Variants in AHCY observed in about 807,000 individuals in gnomAD.
AHCY encodes S-adenosyl-L-homocysteine hydrolase.
AHCY carries 24 observed loss-of-function variants against 45.4 expected under a neutral mutation model. That is an observed-to-expected ratio of 0.53 (90% CI 0.38 to 0.74). The LOEUF (loss-of-function observed/expected upper bound fraction) is 0.74. AHCY is among the 30% of genes least tolerant of loss of function. The probability of loss-of-function intolerance (pLI) is 0.00; values close to 1 mark genes in which losing one functional copy is unlikely to be tolerated. For synonymous variants in AHCY, 245 were observed against 235.1 expected (o/e 1.04, Z -0.39); for missense variants, 449 against 594.1 (o/e 0.76, Z 2.54).
chr20:34,302,542 G>A (rs2036813351), intron 1 of AHCY: 15 of 889,154 alleles, frequency 1.7e-5, no homozygotes, highest in Non-Finnish European at 1.9e-5. Flanking sequence ...AGAGCCATGA[G>A]ACTAGAATAA....
the AHCY span, among the ~76,000 whole-genome samples, chr20:34,248,415 T>C: frequency 1.3e-5 from 2 of 152,160 alleles, no homozygotes; most frequent in South Asian, 2.1e-4. Context: ...TCATTTTCAG[T>C]CAAAAACATT....
chr20:34,256,834 GC>G, the AHCY span, among the ~76,000 whole-genome samples: 2 of 152,028 alleles, frequency 1.3e-5, no homozygotes, highest in Non-Finnish European at 2.9e-5. Flanking sequence ...GGGTAACAGT[GC>G]AGTGGTACAA....
chr20:34,245,490 C>T, the AHCY span, among the ~76,000 whole-genome samples: 3 of 151,502 alleles, frequency 2.0e-5, no homozygotes, highest in South Asian at 2.1e-4. Context: ...CAGGTTCCAG[C>T]GATTCTCAGG....
chr20:34,258,771 T>TACG, the AHCY span, among the ~76,000 whole-genome samples: 1 of 88,444 alleles, frequency 1.1e-5, no homozygotes, highest in African/African-American at 6.1e-5. Context: ...ATATATATAA[T>TACG]ATATATAGTA....
chr20:34,285,976 G>A, intron 8 of AHCY: 1 of 333,720 alleles, frequency 3.0e-6, no homozygotes, highest in South Asian at 2.5e-5. Flanking sequence ...GTGGTAGCAG[G>A]CGCCTGTGGT....
At chr20:34,256,194 G>A in the AHCY span, among the ~76,000 whole-genome samples, 1 of 152,188 alleles carries the variant, frequency 6.6e-6, no homozygotes, top group Non-Finnish European at 1.5e-5. Context: ...CTCCTGTCTG[G>A]TGGACACGTG....
the AHCY span, among the ~76,000 whole-genome samples, chr20:34,232,978 G>A: frequency 6.6e-6 from 1 of 152,118 alleles, no homozygotes; most frequent in African/African-American, 2.4e-5. Flanking sequence ...ACTTCCTGGA[G>A]TTTAACGTGT....
At chr20:34,273,555 G>A in the AHCY span, among the ~76,000 whole-genome samples, 1,137 of 152,254 alleles carry the variant, frequency 7.5e-3, 28 homozygotes, top group East Asian at 0.073. Context: ...AGCAACCACA[G>A]ATCTAACATC....
the AHCY span, among the ~76,000 whole-genome samples, chr20:34,242,170 AT>A: frequency 6.6e-6 from 1 of 151,766 alleles, no homozygotes; most frequent in Non-Finnish European, 1.5e-5. Flanking sequence ...TAGTGAAGTC[AT>A]TTTTGGTTTC....
At chr20:34,296,981 C>T in intron 1 of AHCY, among the ~76,000 whole-genome samples, 1 of 152,146 alleles carries the variant, frequency 6.6e-6, no homozygotes, top group East Asian at 1.9e-4. Context: ...GCCCTCCTAC[C>T]CTAGTAGGCC....
chr20:34,246,425 G>T, the AHCY span: 3 of 1,346,140 alleles, frequency 2.2e-6, no homozygotes, highest in Non-Finnish European at 3.2e-6. Flanking sequence ...GTACTCTGTT[G>T]GTAATGAACA....
chr20:34,297,694 C>G (rs1051020537), intron 1 of AHCY, among the ~76,000 whole-genome samples: 4 of 152,198 alleles, frequency 2.6e-5, no homozygotes, highest in Non-Finnish European at 5.9e-5. Flanking sequence ...CTACTCTCCT[C>G]AACCCTCCAA....
the AHCY span, chr20:34,246,431 G>C: frequency 7.4e-7 from 1 of 1,360,208 alleles, no homozygotes. Context: ...TGTTGGTAAT[G>C]AACAGACTCC....
the AHCY span, among the ~76,000 whole-genome samples, chr20:34,265,332 G>A: frequency 3.9e-5 from 6 of 152,050 alleles, no homozygotes; most frequent in Admixed American, 2.6e-4. Flanking sequence ...AGACCAGCCT[G>A]AGCAACATGA....
rs370059571 is a variant in AHCY, at chr20:34,290,457, G to A, written c.855-8C>T. The A allele has an allele frequency of 6.2e-4, 997 of 1,614,074 alleles. No individual in the cohort carries two copies. Among genetic ancestry groups the A allele is most frequent in the Non-Finnish European group, 7.9e-4 (936 of 1,179,928 alleles). On this transcript the variant is annotated splice_region_variant and splice_polypyrimidine_tract_variant and intron_variant, in intron 7 of 9. Coordinates refer to ENST00000217426, the MANE Select transcript of AHCY (RefSeq NM_000687.4). This position sits in a 1 kb window ranked among gnomAD's most constrained non-coding sequence, Gnocchi z 4.5. ...TTCATCTGCTCAAAGTGCCTGTCAGGCAGCCCAAGACCGTGGGAGATTGTC... is the reference window on the plus strand; with the variant it reads ...TTCATCTGCTCAAAGTGCCTGTCAGACAGCCCAAGACCGTGGGAGATTGTC...
chr20:34,244,477 G>A, the AHCY span, among the ~76,000 whole-genome samples: 2 of 152,208 alleles, frequency 1.3e-5, no homozygotes, highest in Admixed American at 6.5e-5. Flanking sequence ...TGAGGTGCCC[G>A]CCTTTGACAT....
At chr20:34,274,753 C>T in the AHCY span, among the ~76,000 whole-genome samples, 3 of 151,700 alleles carry the variant, frequency 2.0e-5, no homozygotes, top group Non-Finnish European at 2.9e-5. Flanking sequence ...TTGAGACCAG[C>T]CTGGGCAACA....
chr20:34,291,367 C>T (rs879211381), intron 5 of AHCY, 52 bp downstream of exon 5: 13 of 1,523,014 alleles, frequency 8.5e-6, no homozygotes, highest in Admixed American at 8.4e-5. Context: ...TCAGAGGCCT[C>T]GTCCTGAGCT....
At chr20:34,281,793 C>T (rs1242479874) in intron 9 of AHCY, 3 of 164,984 alleles carry the variant, frequency 1.8e-5, no homozygotes, top group Admixed American at 5.6e-5. Flanking sequence ...CTCAGCCTCC[C>T]GAGGAGCTGG....
Sources: gnomAD v4.1 joint callset for allele counts (sites outside exome capture counted in the v4.1 genomes callset) on GRCh38, gnomAD v4.1.1 for gene constraint, Gnocchi (gnomAD v3.1) non-coding constraint, MANE v1.5 for transcripts, NCBI Gene and HGNC (gene_info 2026-07-23, HGNC 2026-07-21) for gene names.